Variants in CA12 observed in about 807,000 individuals in gnomAD.
CA12 encodes the protein carbonic anhydrase 12.
Under a neutral mutation model 46.8 loss-of-function variants are expected in CA12, and 36 were observed. That is an observed-to-expected ratio of 0.77 (90% CI 0.59 to 1.02). The LOEUF (loss-of-function observed/expected upper bound fraction) is 1.02, where lower values mean the gene tolerates loss of function less well. Among genes scored for constraint, CA12 ranks in the 50% least tolerant of loss-of-function variants. CA12 has a pLI of 0.00. For missense variants in CA12, 436 were observed against 451.4 expected, an observed-to-expected ratio of 0.97 and a Z score of 0.31; for synonymous variants, 202 against 187.0, an observed-to-expected ratio of 1.08 and a Z score of -0.65.
chr15:63,354,726 C>G (rs1347809229), intron 2 of CA12, among the ~76,000 whole-genome samples: 1 of 152,084 alleles, frequency 6.6e-6, no homozygotes, highest in Non-Finnish European at 1.5e-5. Flanking sequence ...TGTATTAACA[C>G]AGAGAGAGAT....
chr15:63,340,453 GAC>G lies in CA12; in HGVS notation c.590-10_590-9del, dbSNP rs2039063715. 1 of 1,614,050 alleles carries G rather than the reference GAC, an allele frequency of 6.2e-7. No homozygotes were observed. Among genetic ancestry groups the G allele is most frequent in the Non-Finnish European group, 8.5e-7 (1 of 1,180,018 alleles). On this transcript the variant is annotated splice_polypyrimidine_tract_variant and intron_variant, in intron 6 of 10. Coordinates refer to ENST00000178638, the MANE Select transcript of CA12 (RefSeq NM_001218.5). This position sits in a 1 kb window ranked among gnomAD's most constrained non-coding sequence, Gnocchi z 4.4. ...GGACGAATGCTTCCTGGCCTAGAGAGACATGTTGCAGAGGTGATAGTGTCAGC... is the reference window on the plus strand; with the variant it reads ...GGACGAATGCTTCCTGGCCTAGAGAGATGTTGCAGAGGTGATAGTGTCAGC...
At chr15:63,336,552 T>C (rs2039006839) in intron 8 of CA12, among the ~76,000 whole-genome samples, 1 of 142,922 alleles carries the variant, frequency 7.0e-6, no homozygotes. Flanking sequence ...GCTTTTTTTT[T>C]TTTTTTTTTT....
chr15:63,340,545 C>A lies in CA12; in HGVS notation c.590-100G>T. The A allele has an allele frequency of 1.3e-6, 2 of 1,520,178 alleles. No individual in the cohort carries two copies. The highest frequency in any genetic ancestry group is 1.7e-5 in the Admixed American group (1 of 59,682). 94.2% of individuals were successfully genotyped at this position (1,520,178 alleles called of 1,614,324 possible). A position where few individuals can be genotyped will look rare whatever the true frequency, so the allele number is the denominator to read the frequency against. On this transcript the variant is annotated intron_variant, in intron 6 of 10. Transcript: ENST00000178638. This position sits in a 1 kb window ranked among gnomAD's most constrained non-coding sequence, Gnocchi z 4.4. ...TGAGCCTAGAAACATGAACTAGCCC[C>A]TTTCAGGGTCATCTAACCCCAGGAC...
chr15:63,366,138 C>CAAAAAAA (rs10680238), intron 2 of CA12, among the ~76,000 whole-genome samples: 2 of 116,916 alleles, frequency 1.7e-5, no homozygotes, highest in African/African-American at 4.0e-5. Context: ...GAGACTATCT[C>CAAAAAAA]AAAAAAAAAA....
chr15:63,328,240 C>G lies in CA12; in HGVS notation c.875-110G>C. On this transcript the variant is annotated intron_variant, in intron 8 of 10. Coordinates refer to ENST00000178638, the MANE Select transcript of CA12 (RefSeq NM_001218.5). This position sits in a 1 kb window ranked among gnomAD's most constrained non-coding sequence, Gnocchi z 5.9. ...TTTGTTTGGTCTTAGGCTGACAGAC[C>G]TCTAGGGATGTCCACCCTTGGCTCA... 1.0e-6 allele frequency: 1 copy of G among 977,474 alleles called. No homozygotes were observed. Among genetic ancestry groups the G allele is most frequent in the Non-Finnish European group, 1.6e-6 (1 of 615,324 alleles). The allele number at this position is 977,474 out of a possible 1,614,324, so 60.6% of individuals were successfully genotyped here. A position where few individuals can be genotyped will look rare whatever the true frequency, so the allele number is the denominator to read the frequency against.
rs189144998 is a variant in CA12 at position 63,330,707 on chromosome 15, A to G, written c.875-2577T>C. On this transcript the variant is annotated intron_variant, in intron 8 of 10. Coordinates refer to ENST00000178638, the MANE Select transcript of CA12 (RefSeq NM_001218.5). This position sits in a 1 kb window ranked among gnomAD's most constrained non-coding sequence, Gnocchi z 4.0. ...AAGGGTGGGGCTTTTCTCAGGGCAC[A>G]TGCCCTGCGTGGTGGCTTCTCTGGA... is the stretch of plus-strand genomic sequence containing the variant. Among the ~76,000 whole-genome samples, 78 of 152,142 alleles carry G rather than the reference A, an allele frequency of 5.1e-4. No individual in the cohort carries two copies. The highest frequency in any genetic ancestry group is 1.8e-3 in the African/African-American group (74 of 41,536).
Position 63,355,118 on chromosome 15 carries a change from G to A in CA12, c.107-8409C>T, listed in dbSNP as rs2039278763. 6.6e-6 allele frequency among the ~76,000 whole-genome samples: 1 copy of A among 152,142 alleles called. No homozygotes were observed. The highest frequency in any genetic ancestry group is 1.5e-5 in the Non-Finnish European group (1 of 68,028). On this transcript the variant is annotated intron_variant, in intron 2 of 10. Coordinates refer to ENST00000178638, the MANE Select transcript of CA12 (RefSeq NM_001218.5). The surrounding 1 kb of genome is among the most constrained non-coding windows in gnomAD (Gnocchi z 4.1). ...TGTGACCTTAGAGTATGTTCATCGTGGAGAGGCTCTGCCCACCTCTCTCTG... is the reference window on the plus strand; with the variant it reads ...TGTGACCTTAGAGTATGTTCATCGTAGAGAGGCTCTGCCCACCTCTCTCTG...
intron 2 of CA12, among the ~76,000 whole-genome samples, chr15:63,364,066 A>C (rs2152624027): frequency 6.6e-6 from 1 of 152,182 alleles, no homozygotes; most frequent in South Asian, 2.1e-4. Flanking sequence ...GCATGCCTGT[A>C]ATCCCAGGTA....
chr15:63,354,677 G>C (rs1164574004), intron 2 of CA12, among the ~76,000 whole-genome samples: 1 of 152,198 alleles, frequency 6.6e-6, no homozygotes. Flanking sequence ...GCTTAGCTGT[G>C]TTCTCTGTGG....
In CA12 at chr15:63,327,864, A is replaced by T. The variant is rs1324947617; in HGVS notation, c.907+234T>A. ...CCATGACCAAAAGAAAGTCTTAGAT[A>T]GGTTCTTTGAATACACACATGCTGT... On this transcript the variant is annotated intron_variant, in intron 9 of 10. Transcript: ENST00000178638. This position sits in a 1 kb window ranked among gnomAD's most constrained non-coding sequence, Gnocchi z 4.5. Among the ~76,000 whole-genome samples the T allele has an allele frequency of 5.9e-5, 9 of 152,216 alleles. No individual in the cohort carries two copies. The highest frequency in any genetic ancestry group is 5.9e-4 in the Admixed American group (9 of 15,286).
intron 2 of CA12, among the ~76,000 whole-genome samples, chr15:63,364,612 T>G (rs2039415615): frequency 1.3e-5 from 2 of 152,212 alleles, no homozygotes; most frequent in Non-Finnish European, 2.9e-5. Flanking sequence ...GCCTGGGCTC[T>G]TGCCTCGCAG....
rs988721039 is a variant in CA12 at position 63,321,963 on chromosome 15, G to T, written c.*4322C>A. The T allele has an allele frequency of 6.6e-6, 1 of 152,242 alleles. No homozygotes were observed. Among genetic ancestry groups the T allele is most frequent in the Non-Finnish European group, 1.5e-5 (1 of 68,074 alleles). 9.4% of individuals were successfully genotyped at this position (152,242 alleles called of 1,614,324 possible). A position where few individuals can be genotyped will look rare whatever the true frequency, so the allele number is the denominator to read the frequency against. ...GCTTCACCCACAAGGCTTTCTTCTC[G>T]GGCTGATTTCTGTGGGAGCTCTCTA... On this transcript the variant is annotated 3_prime_UTR_variant, in exon 11 of 11. Coordinates refer to ENST00000178638, the MANE Select transcript of CA12 (RefSeq NM_001218.5). The surrounding 1 kb of genome is among the most constrained non-coding windows in gnomAD (Gnocchi z 4.5).
Position 63,350,320 on chromosome 15 carries a change from G to A in CA12, c.107-3611C>T, listed in dbSNP as rs113010023. ...GCACAGTGCTGGCCTTATGCTGGCC[G>A]CTACACCCTGGGCTACCATTTTCCA... is the stretch of plus-strand genomic sequence containing the variant. On this transcript the variant is annotated intron_variant, in intron 2 of 10. Coordinates refer to ENST00000178638, the MANE Select transcript of CA12 (RefSeq NM_001218.5). Among the ~76,000 whole-genome samples, 920 of 152,314 alleles carry A rather than the reference G, an allele frequency of 6.0e-3. 5 individuals carry two copies. The highest frequency in any genetic ancestry group is 0.012 in the Non-Finnish European group (787 of 68,024).
At chr15:63,369,297 G>C (rs902087601) in intron 2 of CA12, among the ~76,000 whole-genome samples, 1 of 152,188 alleles carries the variant, frequency 6.6e-6, no homozygotes, top group African/African-American at 2.4e-5. Flanking sequence ...GCTCTCATGC[G>C]TTTGGTGCTG....
chr15:63,361,095 C>T (rs1217313988), intron 2 of CA12, among the ~76,000 whole-genome samples: 1 of 152,220 alleles, frequency 6.6e-6, no homozygotes, highest in East Asian at 1.9e-4. Flanking sequence ...GCATCTTCCA[C>T]ACTCTGGGGC....
In CA12 at chr15:63,341,957, T is replaced by A; in HGVS notation, c.525+45A>T. ...AACAAAAGGTGGAATCCCAATCTCA[T>A]CCCTGCTTCAAATTTCACCTAAGAA... is the stretch of plus-strand genomic sequence containing the variant. On this transcript the variant is annotated intron_variant, in intron 5 of 10. Coordinates refer to ENST00000178638, the MANE Select transcript of CA12 (RefSeq NM_001218.5). This position sits in a 1 kb window ranked among gnomAD's most constrained non-coding sequence, Gnocchi z 5.2. The A allele has an allele frequency of 4.4e-6, 6 of 1,352,444 alleles. No individual in the cohort carries two copies. The highest frequency in any genetic ancestry group is 1.2e-5 in the South Asian group (1 of 84,722). 83.8% of individuals were successfully genotyped at this position (1,352,444 alleles called of 1,614,324 possible).
At chr15:63,376,600 T>TTCTTTCTTTCTTTCTTTCCTTC (rs10623502) in intron 1 of CA12, among the ~76,000 whole-genome samples, 1 of 134,094 alleles carries the variant, frequency 7.5e-6, no homozygotes, top group African/African-American at 2.7e-5. Context: ...CTTTCTTTCT[T>TTCTTTCTTTCTTTCTTTCCTTC]TCTCTCTCTC....
intron 2 of CA12, among the ~76,000 whole-genome samples, chr15:63,370,789 A>G (rs1038839774): frequency 3.3e-5 from 5 of 152,182 alleles, no homozygotes; most frequent in Admixed American, 1.3e-4. Flanking sequence ...AAAAAGAAAA[A>G]AAAGAAAAAA....
intron 2 of CA12, among the ~76,000 whole-genome samples, chr15:63,361,366 G>C (rs1319153965): frequency 6.6e-6 from 1 of 152,238 alleles, no homozygotes; most frequent in Non-Finnish European, 1.5e-5. Context: ...CCCCACCTGT[G>C]ATGTTATTTT....
Sources: gnomAD v4.1 joint callset for allele counts (sites outside exome capture counted in the v4.1 genomes callset) on GRCh38, gnomAD v4.1.1 for gene constraint, Gnocchi (gnomAD v3.1) non-coding constraint, MANE v1.5 for transcripts, NCBI Gene and HGNC (gene_info 2026-07-23, HGNC 2026-07-21) for gene names.